Variants in ZNF273 observed in about 807,000 individuals in gnomAD.
ZNF273 encodes the protein zinc finger protein 9.
In ZNF273, 11 loss-of-function variants were observed where a neutral mutation model predicts 14.9. The observed-to-expected ratio is 0.74, with a 90% confidence interval of 0.46 to 1.22. ZNF273 has a LOEUF of 1.22. ZNF273 is among the 50% of genes most tolerant of loss of function. The pLI is 0.00. For missense variants in ZNF273, 577 were observed against 660.6 expected (o/e 0.87, Z 1.39); for synonymous variants, 199 against 223.9 (o/e 0.89, Z 0.99).
Position 64,914,180 on chromosome 7 carries a change from G to GTTTTTTTTTTTTTTTTTTT in ZNF273, c.103-3400_103-3399insTTTTTTTTTTTTTTTTTTT, listed in dbSNP as rs1793773323. Among the ~76,000 whole-genome samples the GTTTTTTTTTTTTTTTTTTT allele has an allele frequency of 3.2e-5, 2 of 63,072 alleles. 1 individual carries two copies. 41.4% of individuals were successfully genotyped at this position (63,072 alleles called of 152,430 possible). ...GCACCACTACGTCCTGGTAATTTTT[G>GTTTTTTTTTTTTTTTTTTT]TATTTTTTTTTTTTTTTTTTTTTTT... On this transcript the variant is annotated intron_variant, in intron 1 of 3. Coordinates refer to ENST00000476120, the MANE Select transcript of ZNF273 (RefSeq NM_021148.3).
At chr7:64,923,814 A>G (rs1054636462) in intron 3 of ZNF273, 1 of 151,952 alleles carries the variant, frequency 6.6e-6, no homozygotes, top group Non-Finnish European at 1.5e-5. Flanking sequence ...CTATTTTACT[A>G]GTCTCCTTTT....
chr7:64,903,284 C>G lies in ZNF273; in HGVS notation c.-34C>G, dbSNP rs1270528250. 6.5e-7 allele frequency: 1 copy of G among 1,550,194 alleles called. No individual in the cohort carries two copies. Among genetic ancestry groups the G allele is most frequent in the South Asian group, 1.1e-5 (1 of 89,368 alleles). Reference sequence around the variant, plus strand: ...TTGGCGGGGCCTTTGTCTCTCGCTGCAGTCGCAGCTCCAGGTCTCGTCTTC... The same window carrying G: ...TTGGCGGGGCCTTTGTCTCTCGCTGGAGTCGCAGCTCCAGGTCTCGTCTTC... On this transcript the variant is annotated 5_prime_UTR_variant, in exon 1 of 4. Transcript: ENST00000476120.
rs147266595 is a variant in ZNF273, at chr7:64,887,921, G to A, written n.274-652G>A. Among the ~76,000 whole-genome samples, 8 of 152,050 alleles carry A rather than the reference G, an allele frequency of 5.3e-5. No individual in the cohort carries two copies. In the East Asian group the frequency reaches 9.7e-4, roughly 18 times the overall value. ...GGTCACTGGTTCCTCACCCTTGTGC[G>A]AATCCAGAACTTGCATCCTGATGGG... On this transcript the variant is annotated intron_variant and non_coding_transcript_variant, in intron 1 of 1. Transcript: ENST00000471926.
At chr7:64,926,935 A>C (rs1179120708) in intron 3 of ZNF273, among the ~76,000 whole-genome samples, 1 of 152,178 alleles carries the variant, frequency 6.6e-6, no homozygotes, top group Non-Finnish European at 1.5e-5. Flanking sequence ...CTTGGGTCTC[A>C]GCTGACTCAA....
chr7:64,912,860 G>A (rs556895597), intron 1 of ZNF273, among the ~76,000 whole-genome samples: 51 of 22,902 alleles, frequency 2.2e-3, no homozygotes, highest in Non-Finnish European at 5.0e-3. Flanking sequence ...ATTGAGTTTC[G>A]CTCTGTCATC....
intron 1 of ZNF273, among the ~76,000 whole-genome samples, chr7:64,903,697 C>A (rs1228640977): frequency 6.6e-6 from 1 of 152,250 alleles, no homozygotes; most frequent in African/African-American, 2.4e-5. Context: ...CGCCGCATCT[C>A]TCCTCGATGA....
intron 3 of ZNF273, chr7:64,923,371 C>T (rs1412850087): frequency 2.2e-6 from 1 of 455,224 alleles, no homozygotes; most frequent in East Asian, 7.0e-5. Flanking sequence ...TACAGATTCT[C>T]ATTCTTTCAC....
At chr7:64,925,287 G>C (rs1436512376) in intron 3 of ZNF273, among the ~76,000 whole-genome samples, 2 of 151,570 alleles carry the variant, frequency 1.3e-5, no homozygotes, top group African/African-American at 2.4e-5. Context: ...TGCGATTTTT[G>C]TATCGATATG....
At position 64,929,747 on chromosome 7, in the gene ZNF273, C is replaced by T. The variant is rs1029620192; in HGVS notation, c.*709C>T. The T allele has an allele frequency of 6.6e-6, 1 of 151,194 alleles. No homozygotes were observed. Among genetic ancestry groups the T allele is most frequent in the East Asian group, 1.9e-4 (1 of 5,178 alleles). 9.4% of individuals were successfully genotyped at this position (151,194 alleles called of 1,614,324 possible). A position where few individuals can be genotyped will look rare whatever the true frequency, so the allele number is the denominator to read the frequency against. On this transcript the variant is annotated 3_prime_UTR_variant, in exon 4 of 4. Coordinates refer to ENST00000476120, the MANE Select transcript of ZNF273 (RefSeq NM_021148.3). ...CAAGTTTTTGGCAGAGGTATATTTA[C>T]ATTCAGAGTACACTTTTCTTTGGAA... is the stretch of plus-strand genomic sequence containing the variant.
chr7:64,899,626 A>G (rs888541518), upstream of ZNF273, among the ~76,000 whole-genome samples: 1 of 152,030 alleles, frequency 6.6e-6, no homozygotes, highest in African/African-American at 2.4e-5. Flanking sequence ...ACTGCACTCC[A>G]GATGGAGATA....
In ZNF273 at chr7:64,916,241, T is replaced by A. The variant is rs532231327; in HGVS notation, c.103-1340T>A. 8.6e-5 allele frequency among the ~76,000 whole-genome samples: 13 copies of A among 151,138 alleles called. No individual in the cohort carries two copies. The South Asian group carries it at 2.7e-3, about 32-fold the overall frequency. ...TGTTGAAGACTACTTAAAATTACTGTTAAAAATAACAACATAAGATAGGCA... is the reference window on the plus strand; with the variant it reads ...TGTTGAAGACTACTTAAAATTACTGATAAAAATAACAACATAAGATAGGCA... On this transcript the variant is annotated intron_variant, in intron 1 of 3. Transcript: ENST00000476120.
At position 64,921,604 on chromosome 7, in the gene ZNF273, G is replaced by GTTTTTTTTTT. The variant is rs1562963033; in HGVS notation, c.325+3312_325+3313insTTTTTTTTTT. 7.4e-5 allele frequency among the ~76,000 whole-genome samples: 4 copies of GTTTTTTTTTT among 54,100 alleles called. 1 individual carries two copies. The highest frequency in any genetic ancestry group is 1.9e-4 in the African/African-American group (3 of 15,966). 35.5% of individuals were successfully genotyped at this position (54,100 alleles called of 152,430 possible). ...ATATCAATCTTTGCTTCATGCTAAT[G>GTTTTTTTTTT]CTTTTTTTTTTTTTTTTTTTTTTTT... On this transcript the variant is annotated intron_variant, in intron 3 of 3. Transcript: ENST00000476120.
At chr7:64,879,263 T>A (rs1791189370) in intron 2 of ZNF273, among the ~76,000 whole-genome samples, 2 of 152,148 alleles carry the variant, frequency 1.3e-5, no homozygotes, top group Non-Finnish European at 2.9e-5. Context: ...TGGGTAGTGA[T>A]CTCGTTGTGG....
chr7:64,903,485 A>G (rs895014366), intron 1 of ZNF273, 66 bp downstream of exon 1: 4 of 1,464,804 alleles, frequency 2.7e-6, no homozygotes, highest in Non-Finnish European at 3.8e-6. Context: ...TGGGAAGTGG[A>G]TGTGGCGAGA....
At chr7:64,911,634 G>T (rs61067353) in intron 1 of ZNF273, among the ~76,000 whole-genome samples, 72,898 of 152,138 alleles carry the variant, frequency 0.48, 18,423 homozygotes, top group African/African-American at 0.63. Context: ...TATTTGAATC[G>T]TCATTAATCT....
chr7:64,894,321 A>T (rs927038341), downstream of ZNF273, among the ~76,000 whole-genome samples: 6 of 147,638 alleles, frequency 4.1e-5, no homozygotes, highest in Non-Finnish European at 7.5e-5. Flanking sequence ...TTGTTTTTTT[A>T]AAGTGGCAGC....
downstream of ZNF273, chr7:64,893,968 A>G (rs546654386): frequency 1.3e-5 from 2 of 152,188 alleles, no homozygotes; most frequent in East Asian, 1.9e-4. Context: ...AGTTTAGTTT[A>G]CTATTTTAAG....
At chr7:64,900,701 T>C (rs2129052839), upstream of ZNF273, among the ~76,000 whole-genome samples, 1 of 152,294 alleles carries the variant, frequency 6.6e-6, no homozygotes, top group South Asian at 2.1e-4. Context: ...CCTATGCAAA[T>C]AGCACAACTA....
chr7:64,911,075 G>A (rs1278892168), intron 1 of ZNF273, among the ~76,000 whole-genome samples: 1 of 151,992 alleles, frequency 6.6e-6, no homozygotes, highest in Non-Finnish European at 1.5e-5. Context: ...GGGCTAAAGT[G>A]TGTACCTTTA....
Sources: allele counts gnomAD v4.1 joint callset (sites outside exome capture counted in the v4.1 genomes callset), GRCh38; gene constraint gnomAD v4.1.1; transcripts MANE v1.5; gene names NCBI Gene and HGNC (gene_info 2026-07-23, HGNC 2026-07-21).